RAD9A: variants seen among roughly 807,000 people sequenced by gnomAD.
The protein encoded by RAD9A is cell cycle checkpoint control protein RAD9A.
A neutral mutation model predicts 41.2 loss-of-function variants in RAD9A; 25 were observed. The observed-to-expected ratio is 0.61, with a 90% CI of 0.44 to 0.85. RAD9A has a LOEUF of 0.85. RAD9A is among the 40% of genes least tolerant of loss of function. RAD9A has a pLI of 0.00. For missense variants in RAD9A, 514 were observed against 518.3 expected, an observed-to-expected ratio of 0.99 and a Z score of 0.08; for synonymous variants, 252 against 210.6, an observed-to-expected ratio of 1.20 and a Z score of -1.70.
At chr11:67,395,598 G>C (rs1035362028) in intron 5 of RAD9A, 118 bp from the exon 6 acceptor site, 15 of 755,168 alleles carry the variant, frequency 2.0e-5, no homozygotes, top group Non-Finnish European at 3.0e-5. Context: ...CTCATCCACG[G>C]TGCGCTAGGC....
At chr11:67,393,021 C>T (rs549113948) in intron 3 of RAD9A, 1 of 552,568 alleles carries the variant, frequency 1.8e-6, no homozygotes, top group Non-Finnish European at 2.9e-6. Context: ...GTGGCTCACG[C>T]CTGTAATCCC....
In RAD9A at chr11:67,392,677, C is replaced by T. The variant is rs2134940706; in HGVS notation, c.129C>T (p.Ser43=). The T allele has an allele frequency of 1.2e-6, 2 of 1,613,972 alleles. No individual in the cohort carries two copies. Among genetic ancestry groups the T allele is most frequent in the Non-Finnish European group, 8.5e-7 (1 of 1,180,004 alleles). Residue 43 remains serine (S), a synonymous_variant, in exon 3 of 11, where the codon TCC becomes TCT. Coordinates refer to ENST00000307980, the MANE Select transcript of RAD9A (RefSeq NM_004584.3). Reference sequence around the variant, plus strand: ...AGCTCTCCCTCCGGACGGTGAACTCCTCCCGCTCTGCCTATGCCTGCTTTC... The same window carrying T: ...AGCTCTCCCTCCGGACGGTGAACTCTTCCCGCTCTGCCTATGCCTGCTTTC... The part of the protein sequence containing the change: ...EDGLSLRTVN[S]SRSAYACFLF...
chr11:67,396,809 C>A (rs1862715680), intron 9 of RAD9A, among the ~76,000 whole-genome samples: 1 of 152,154 alleles, frequency 6.6e-6, no homozygotes, highest in Non-Finnish European at 1.5e-5. Context: ...TTGGGGCTGG[C>A]CCCCAGCCCA....
In RAD9A at chr11:67,395,739, CCTTCT is replaced by C; in HGVS notation, c.476_480del (p.Phe159SerfsTer5). The C allele has an allele frequency of 6.2e-7, 1 of 1,610,866 alleles. No homozygotes were observed. Among genetic ancestry groups the C allele is most frequent in the Non-Finnish European group, 8.5e-7 (1 of 1,178,516 alleles). ...AGGGTTCTGGGGGAGGCTGTTCTGC[CCTTCT>C]CTCCTGCACTGGCTGAAGTGACGCT... On this transcript the variant is annotated frameshift_variant, in exon 6 of 11. Coordinates refer to ENST00000307980, the MANE Select transcript of RAD9A (RefSeq NM_004584.3). LOFTEE classifies it high-confidence loss of function.
At position 67,395,736 on chromosome 11, in the gene RAD9A, T is replaced by G; in HGVS notation, c.470T>G (p.Leu157Arg). ...CACAGGGTTCTGGGGGAGGCTGTTC[T>G]GCCCTTCTCTCCTGCACTGGCTGAA... ...APARVLGEAV[L>R]PFSPALAEVT... Residue 157 changes from leucine to arginine, a missense_variant, in exon 6 of 11, where the codon CTG becomes CGG. Leu to Arg is a moderately radical substitution (Grantham distance 102). Transcript: ENST00000307980. 6.2e-7 allele frequency: 1 copy of G among 1,609,968 alleles called. No homozygotes were observed. Among genetic ancestry groups the G allele is most frequent in the East Asian group, 2.2e-5 (1 of 44,708 alleles).
chr11:67,397,201 G>A lies in RAD9A; in HGVS notation c.895G>A (p.Ala299Thr), dbSNP rs576342553. Residue 299 changes from alanine (A) to threonine (T), a missense_variant, in exon 10 of 11, where the codon GCC (alanine) becomes ACC (threonine). Coordinates refer to ENST00000307980, the MANE Select transcript of RAD9A (RefSeq NM_004584.3). ...AHSTPHPDDFANDDIDSYMIA... is the reference protein window; with the variant it reads ...AHSTPHPDDFTNDDIDSYMIA... ...CAGCACACCCCACCCGGACGACTTT[G>A]CCAATGACGACATTGACTCTTACAT... The A allele has an allele frequency of 1.2e-6, 2 of 1,613,664 alleles. No individual in the cohort carries two copies. The highest frequency in any genetic ancestry group is 1.3e-5 in the African/African-American group (1 of 75,020).
intron 9 of RAD9A, 132 bp from the exon 10 acceptor site, chr11:67,397,047 C>T: frequency 3.1e-6 from 2 of 648,280 alleles, no homozygotes; most frequent in South Asian, 1.8e-5. Flanking sequence ...TCCTCTCCAG[C>T]CAAATCAGGA....
Position 67,398,210 on chromosome 11 carries a change from G to A in RAD9A, c.*651G>A. On this transcript the variant is annotated 3_prime_UTR_variant, in exon 11 of 11. Transcript: ENST00000307980. ...GAATCCAGCTTTGACCTTTATTCAA[G>A]AGACCAGATGGGTTGCCCCAGGATC... The A allele has an allele frequency of 2.6e-6, 1 of 379,128 alleles. No individual in the cohort carries two copies. Among genetic ancestry groups the A allele is most frequent in the South Asian group, 3.2e-5 (1 of 31,168 alleles). The allele number at this position is 379,128 out of a possible 1,614,324, so 23.5% of individuals were successfully genotyped here.
Position 67,393,726 on chromosome 11 carries a change from T to C in RAD9A, c.385T>C (p.Cys129Arg), listed in dbSNP as rs1487210255. Residue 129 changes from cysteine (C) to arginine (R), a missense_variant, in exon 5 of 11, where the codon TGT becomes CGT. This residue lies in a region of RAD9A where 268 missense variants were observed against 279.3 expected (regional missense o/e 0.96). Coordinates refer to ENST00000307980, the MANE Select transcript of RAD9A (RefSeq NM_004584.3). ...GACTCACAACCTGTCCTTCCAGGAC[T>C]GTGAGTCCCTGCAGGCCGTCTTCGA... ...RKTHNLSFQD[C>R]ESLQAVFDPA... 2 of 1,613,510 alleles carry C rather than the reference T, an allele frequency of 1.2e-6. No individual in the cohort carries two copies. The highest frequency in any genetic ancestry group is 2.2e-5 in the East Asian group (1 of 44,876).
intron 9 of RAD9A, among the ~76,000 whole-genome samples, chr11:67,396,793 A>C (rs1223558356): frequency 6.6e-6 from 1 of 152,124 alleles, no homozygotes; most frequent in Non-Finnish European, 1.5e-5. Context: ...CTTTCAGCAC[A>C]GGAAGTTGGG....
rs1362166734 is a variant in RAD9A at position 67,394,265 on chromosome 11, G to C, written c.449+475G>C. Among the ~76,000 whole-genome samples the C allele has an allele frequency of 2.6e-5, 4 of 152,226 alleles. No individual in the cohort carries two copies. The South Asian group carries it at 6.2e-4, about 24-fold the overall frequency. Reference sequence around the variant, plus strand: ...CTTTTCCTGACTGCCCAGGATCGAGGAGTCCCCAAGGCCAGGGCAGGAGGC... The same window carrying C: ...CTTTTCCTGACTGCCCAGGATCGAGCAGTCCCCAAGGCCAGGGCAGGAGGC... On this transcript the variant is annotated intron_variant, in intron 5 of 10. Coordinates refer to ENST00000307980, the MANE Select transcript of RAD9A (RefSeq NM_004584.3).
At chr11:67,393,415 A>T in intron 3 of RAD9A, 81 bp from the exon 4 acceptor site, 1 of 1,555,808 alleles carries the variant, frequency 6.4e-7, no homozygotes, top group Admixed American at 1.8e-5. Context: ...TGCTGGGCCC[A>T]TGATGGGTGT....
Position 67,393,742 on chromosome 11 carries a change from C to T in RAD9A, c.401C>T (p.Ala134Val). Residue 134 changes from alanine to valine, a missense_variant, in exon 5 of 11, where the codon GCC (alanine) becomes GTC (valine). Ala to Val is a moderately conservative substitution (Grantham distance 64, BLOSUM62 0). Transcript: ENST00000307980. ...LSFQDCESLQ[A>V]VFDPASCPHM... The stretch of plus-strand genomic sequence containing the variant: ...TTCCAGGACTGTGAGTCCCTGCAGG[C>T]CGTCTTCGACCCAGCCTCGTGCCCC... The T allele has an allele frequency of 6.2e-7, 1 of 1,612,934 alleles. No individual in the cohort carries two copies. The highest frequency in any genetic ancestry group is 8.5e-7 in the Non-Finnish European group (1 of 1,179,682).
intron 5 of RAD9A, among the ~76,000 whole-genome samples, chr11:67,394,530 G>A (rs2134948871): frequency 1.3e-5 from 2 of 152,180 alleles, no homozygotes; most frequent in East Asian, 3.9e-4. Flanking sequence ...CCTGACATCT[G>A]TTTCCCCAGG....
downstream of RAD9A, chr11:67,398,411 C>A (rs546408433): frequency 2.1e-6 from 2 of 953,540 alleles, no homozygotes; most frequent in Non-Finnish European, 3.1e-6. Context: ...AAGAAAAATA[C>A]ACCAAGGCTC....
Position 67,393,698 on chromosome 11 carries a change from G to A in RAD9A, c.357G>A (p.Arg119=), listed in dbSNP as rs142181615. 2.5e-5 allele frequency: 40 copies of A among 1,613,184 alleles called. No individual in the cohort carries two copies. Among genetic ancestry groups the A allele is most frequent in the Non-Finnish European group, 6.8e-6 (8 of 1,179,476 alleles). ...ACCCTATCGCCCATCCAGGGGTGCG[G>A]AAGACTCACAACCTGTCCTTCCAGG... is the stretch of plus-strand genomic sequence containing the variant. The part of the protein sequence containing the change: ...VVQLHCKFGV[R]KTHNLSFQDC... Residue 119 remains arginine, a synonymous_variant, in exon 5 of 11, where the codon CGG becomes CGA. Transcript: ENST00000307980.
At chr11:67,394,980 C>T (rs1441744452) in intron 5 of RAD9A, among the ~76,000 whole-genome samples, 1 of 151,856 alleles carries the variant, frequency 6.6e-6, no homozygotes, top group Non-Finnish European at 1.5e-5. Context: ...CGCTCTGTCA[C>T]CCAGGCTGGA....
Position 67,398,239 on chromosome 11 carries a change from C to T in RAD9A, c.*680C>T, listed in dbSNP as rs1201521792. Reference sequence around the variant, plus strand: ...CCAGATGGGTTGCCCCAGGATCCGGCTGCCAGCCCTGAGGCCAAGCACGGC... The same window carrying T: ...CCAGATGGGTTGCCCCAGGATCCGGTTGCCAGCCCTGAGGCCAAGCACGGC... On this transcript the variant is annotated 3_prime_UTR_variant, in exon 11 of 11. Transcript: ENST00000307980. The T allele has an allele frequency of 4.5e-6, 2 of 443,648 alleles. No homozygotes were observed. The highest frequency in any genetic ancestry group is 8.1e-6 in the Non-Finnish European group (2 of 247,412). 27.5% of individuals were successfully genotyped at this position (443,648 alleles called of 1,614,324 possible).
At position 67,398,203 on chromosome 11, in the gene RAD9A, T is replaced by G. The variant is rs1284624857; in HGVS notation, c.*644T>G. 15 of 360,238 alleles carry G rather than the reference T, an allele frequency of 4.2e-5. No homozygotes were observed. Among genetic ancestry groups the G allele is most frequent in the Non-Finnish European group, 7.1e-5 (14 of 195,808 alleles). The allele number at this position is 360,238 out of a possible 1,614,324, so 22.3% of individuals were successfully genotyped here. On this transcript the variant is annotated 3_prime_UTR_variant, in exon 11 of 11. Coordinates refer to ENST00000307980, the MANE Select transcript of RAD9A (RefSeq NM_004584.3). ...ATGGCGAGAATCCAGCTTTGACCTT[T>G]ATTCAAGAGACCAGATGGGTTGCCC...
Sources: allele counts gnomAD v4.1 joint callset (sites outside exome capture counted in the v4.1 genomes callset), GRCh38; gene constraint gnomAD v4.1.1; regional missense constraint gnomAD v4.1.1; transcripts MANE v1.5; gene names NCBI Gene and HGNC (gene_info 2026-07-23, HGNC 2026-07-21).